The following SORCS1 variants were observed in gnomAD, a reference collection of about 807,000 sequenced individuals.
SORCS1 encodes the protein sortilin related VPS10 domain containing receptor 1.
Under a neutral mutation model 146.1 loss-of-function variants are expected in SORCS1, and 60 were observed. The ratio of observed to expected loss-of-function variants is 0.41; its 90% confidence interval spans 0.33 to 0.51. The LOEUF (loss-of-function observed/expected upper bound fraction) is 0.51, where lower values mean the gene tolerates loss of function less well. Among genes scored for constraint, SORCS1 ranks in the 20% least tolerant of loss-of-function variants. The probability of loss-of-function intolerance (pLI) is 0.21; values close to 1 mark genes in which losing one functional copy is unlikely to be tolerated. For missense variants in SORCS1, 1,352 were observed against 1,487.6 expected, an observed-to-expected ratio of 0.91 and a Z score of 1.50; for synonymous variants, 637 against 584.0, an observed-to-expected ratio of 1.09 and a Z score of -1.31.
chr10:106,696,575 T>A (rs534795477), intron 9 of SORCS1, among the ~76,000 whole-genome samples: 2 of 152,206 alleles, frequency 1.3e-5, no homozygotes, highest in Admixed American at 1.3e-4. Flanking sequence ...ACATCACTGC[T>A]CAAAATGATG....
At chr10:106,766,870 T>G (rs950600866) in intron 4 of SORCS1, among the ~76,000 whole-genome samples, 6 of 152,252 alleles carry the variant, frequency 3.9e-5, no homozygotes, top group Admixed American at 3.9e-4. Flanking sequence ...GCGGGCTTTG[T>G]AATACAATTA....
chr10:107,034,146 T>C (rs1336194485), intron 1 of SORCS1, among the ~76,000 whole-genome samples: 1 of 152,238 alleles, frequency 6.6e-6, no homozygotes, highest in East Asian at 1.9e-4. Flanking sequence ...ATTTGTCACA[T>C]CTGGAAGCAC....
chr10:106,708,556 G>A (rs989082120), intron 7 of SORCS1, among the ~76,000 whole-genome samples: 6 of 152,146 alleles, frequency 3.9e-5, no homozygotes, highest in Admixed American at 3.3e-4. Context: ...ATGCTGAAAA[G>A]CAGTGCAGCG....
chr10:106,908,077 A>T (rs1255095220), intron 2 of SORCS1, among the ~76,000 whole-genome samples: 2 of 152,048 alleles, frequency 1.3e-5, no homozygotes, highest in African/African-American at 4.8e-5. Context: ...CTGGGTAGAG[A>T]TCTCTCTATA....
At chr10:106,791,899 G>A (rs1946338143) in intron 3 of SORCS1, among the ~76,000 whole-genome samples, 1 of 152,116 alleles carries the variant, frequency 6.6e-6, no homozygotes, top group Non-Finnish European at 1.5e-5. Flanking sequence ...CCTAATGACA[G>A]TGAATTTTTT....
At chr10:106,776,338 G>A (rs1439750013) in intron 4 of SORCS1, among the ~76,000 whole-genome samples, 196 bp downstream of exon 4, 2 of 152,182 alleles carry the variant, frequency 1.3e-5, no homozygotes, top group Non-Finnish European at 2.9e-5. Flanking sequence ...TATTTGGTAA[G>A]TGGTTTCAGA....
chr10:106,652,487 C>T lies in SORCS1; in HGVS notation c.2370G>A (p.Gln790=). ...GVREQYTAKP[Q]KCPGKAPRGL... ...CCCGCGGGGCTTTCCCTGGGCACTT[C>T]TGCGGTTTGGCAGTGTACTGTTCCC... The change falls in exon 18 of 26, where the codon CAG becomes CAA. Residue 790 remains glutamine, a synonymous_variant. Coordinates refer to ENST00000263054, the MANE Select transcript of SORCS1 (RefSeq NM_052918.5). 1.2e-6 allele frequency: 2 copies of T among 1,614,152 alleles called. No homozygotes were observed. The highest frequency in any genetic ancestry group is 1.7e-6 in the Non-Finnish European group (2 of 1,180,006).
rs761238062 is a variant in SORCS1, at chr10:106,667,819, G to A, written c.2190-17C>T. 47 of 1,603,632 alleles carry A rather than the reference G, an allele frequency of 2.9e-5. No individual in the cohort carries two copies. The highest frequency in any genetic ancestry group is 3.7e-5 in the Non-Finnish European group (43 of 1,172,692). On this transcript the variant is annotated splice_polypyrimidine_tract_variant and intron_variant, in intron 16 of 25. Coordinates refer to ENST00000263054, the MANE Select transcript of SORCS1 (RefSeq NM_052918.5). ...CCATAGTCGCTGTTAGGAAAGAGCC[G>A]AGAAAAACCTTTCACTAGGTGGCAA...
At chr10:106,733,596 C>T (rs1856761362) in intron 5 of SORCS1, among the ~76,000 whole-genome samples, 1 of 152,194 alleles carries the variant, frequency 6.6e-6, no homozygotes, top group Admixed American at 6.5e-5. Context: ...AGGTAGCATT[C>T]TGTGTGTTTT....
rs1361097548 is a variant in SORCS1, at chr10:106,660,717, T to G, written c.2303+6972A>C. On this transcript the variant is annotated intron_variant, in intron 17 of 25. Transcript: ENST00000263054. ...GTGAGCTGAGATCACGCCACTGCAC[T>G]CCATCTTGGGCAATAGAGTGAGACT... 2.0e-5 allele frequency among the ~76,000 whole-genome samples: 3 copies of G among 150,028 alleles called. No individual in the cohort carries two copies. The East Asian group carries it at 5.9e-4, about 29-fold the overall frequency.
At chr10:106,711,114 T>C (rs1261968812) in intron 6 of SORCS1, among the ~76,000 whole-genome samples, 1 of 152,236 alleles carries the variant, frequency 6.6e-6, no homozygotes, top group East Asian at 1.9e-4. Context: ...TTTGTTGTTG[T>C]TGCTGTTATT....
chr10:106,599,885 C>A (rs1319169474), intron 23 of SORCS1, among the ~76,000 whole-genome samples: 1 of 152,004 alleles, frequency 6.6e-6, no homozygotes, highest in Non-Finnish European at 1.5e-5. Context: ...GATTCTCCTG[C>A]CTCAACCTCC....
At chr10:106,850,131 G>C (rs1269334692) in intron 2 of SORCS1, among the ~76,000 whole-genome samples, 3 of 151,766 alleles carry the variant, frequency 2.0e-5, no homozygotes, top group African/African-American at 7.2e-5. Flanking sequence ...GAGCTTCCCG[G>C]CTGCTTTGTT....
At chr10:106,641,435 C>T (rs10786963) in intron 18 of SORCS1, among the ~76,000 whole-genome samples, 151,341 of 152,318 alleles carry the variant, frequency 0.99, 75,199 homozygotes, top group Middle Eastern at 1. Context: ...CTCTTTGCTA[C>T]GGTTTTAGCC....
At chr10:106,898,995 T>G (rs1951594685) in intron 2 of SORCS1, among the ~76,000 whole-genome samples, 1 of 152,224 alleles carries the variant, frequency 6.6e-6, no homozygotes, top group African/African-American at 2.4e-5. Context: ...GATTTTAGAT[T>G]TACATGGTCC....
chr10:106,592,963 C>A (rs1472390921), intron 24 of SORCS1, among the ~76,000 whole-genome samples: 1 of 151,706 alleles, frequency 6.6e-6, no homozygotes, highest in Non-Finnish European at 1.5e-5. Context: ...CATGGTGAAA[C>A]CCTGTCTCTA....
chr10:107,003,919 T>G (rs981213298), intron 1 of SORCS1, among the ~76,000 whole-genome samples: 3 of 152,130 alleles, frequency 2.0e-5, no homozygotes, highest in African/African-American at 7.2e-5. Context: ...CTCATGCCTG[T>G]AATCCCAGCA....
At chr10:106,754,321 AGGAAAGGAGAGT>A (rs1858477232) in intron 5 of SORCS1, among the ~76,000 whole-genome samples, 1 of 152,190 alleles carries the variant, frequency 6.6e-6, no homozygotes, top group Non-Finnish European at 1.5e-5. Flanking sequence ...GCTAAAACAG[AGGAAAGGAGAGT>A]GGAATGATGG....
the SORCS1 span, among the ~76,000 whole-genome samples, chr10:107,181,074 G>T: frequency 2.0e-5 from 3 of 152,182 alleles, no homozygotes; most frequent in Non-Finnish European, 4.4e-5. Context: ...CATGAATGAA[G>T]CTTGCAGGAC....
Sources: allele counts gnomAD v4.1 joint callset (sites outside exome capture counted in the v4.1 genomes callset), GRCh38; gene constraint gnomAD v4.1.1; transcripts MANE v1.5; gene names NCBI Gene and HGNC (gene_info 2026-07-23, HGNC 2026-07-21).